The following RBFOX1 variants were observed in gnomAD, a reference collection of about 807,000 sequenced individuals.
RBFOX1 encodes the protein RNA binding protein fox-1 homolog 1.
A neutral mutation model predicts 57.7 loss-of-function variants in RBFOX1; 8 were observed. That is an observed-to-expected ratio of 0.14 (90% confidence interval 0.08 to 0.25). The LOEUF (loss-of-function observed/expected upper bound fraction) is 0.25, where lower values mean the gene tolerates loss of function less well. Ranked by LOEUF, RBFOX1 falls within the 10% of genes least tolerant of loss-of-function variation. The pLI is 1.00. For missense variants in RBFOX1, 611 were observed against 548.5 expected (o/e 1.11, Z -1.14); for synonymous variants, 326 against 222.4 (o/e 1.47, Z -4.15).
At chr16:6,616,016 G>C (rs1016103425) in intron 2 of RBFOX1, among the ~76,000 whole-genome samples, 1 of 152,146 alleles carries the variant, frequency 6.6e-6, no homozygotes. Flanking sequence ...TATAGACGCA[G>C]GGACACTGCC....
At chr16:6,878,737 A>G (rs186302787) in intron 3 of RBFOX1, among the ~76,000 whole-genome samples, 406 of 152,302 alleles carry the variant, frequency 2.7e-3, no homozygotes, top group African/African-American at 9.1e-3. Context: ...GAAACCTGAT[A>G]TATCCCATGA....
intron 3 of RBFOX1, among the ~76,000 whole-genome samples, chr16:7,038,788 G>T (rs1375812343): frequency 6.6e-6 from 1 of 152,156 alleles, no homozygotes; most frequent in Non-Finnish European, 1.5e-5. Flanking sequence ...GTCTGGACCT[G>T]GGGGACTTCT....
intron 2 of RBFOX1, among the ~76,000 whole-genome samples, chr16:5,492,514 C>T (rs913613142): frequency 3.3e-5 from 5 of 152,110 alleles, no homozygotes; most frequent in Non-Finnish European, 7.3e-5. Context: ...TGAGCTTAGA[C>T]CTGAAGATGA....
At chr16:6,862,328 A>G (rs950599956) in intron 3 of RBFOX1, among the ~76,000 whole-genome samples, 4 of 152,132 alleles carry the variant, frequency 2.6e-5, no homozygotes, top group African/African-American at 9.7e-5. Context: ...CTCACAGGCG[A>G]TGCTGATCGT....
Position 7,579,827 on chromosome 16 carries a change from T to G in RBFOX1, c.321T>G (p.Ser107=), listed in dbSNP as rs1160302930. 1.2e-6 allele frequency: 2 copies of G among 1,613,974 alleles called. No homozygotes were observed. Among genetic ancestry groups the G allele is most frequent in the East Asian group, 4.5e-5 (2 of 44,864 alleles). The part of the protein sequence containing the change: ...PTDGQPQTQP[S]ENTENKSQPK... ...ATGGCCAGCCCCAGACACAACCTTCTGAAAACACGGAAAACAAGTCTCAGC... is the reference window on the plus strand; with the variant it reads ...ATGGCCAGCCCCAGACACAACCTTCGGAAAACACGGAAAACAAGTCTCAGC... The change falls in exon 6 of 16, where the codon TCT becomes TCG. Residue 107 remains serine, a synonymous_variant. Transcript: ENST00000550418.
rs950146622 is a variant in RBFOX1, at chr16:6,881,093, C to G, written c.-15-170964C>G. ...ATCATGGCACTTTTACCCACTGAGT[C>G]TGAGCTGGTCTTACCATGCTTCTCA... On this transcript the variant is annotated intron_variant, in intron 3 of 15. Transcript: ENST00000550418. Among the ~76,000 whole-genome samples the G allele has an allele frequency of 2.0e-5, 3 of 152,184 alleles. No individual in the cohort carries two copies. The East Asian group carries it at 5.8e-4, about 29-fold the overall frequency.
At chr16:5,374,291 CT>C (rs1416957552) in intron 1 of RBFOX1, among the ~76,000 whole-genome samples, 7 of 152,172 alleles carry the variant, frequency 4.6e-5, no homozygotes, top group Admixed American at 2.0e-4. Flanking sequence ...AATAAAAGTG[CT>C]GTATGTGATA....
intron 2 of RBFOX1, among the ~76,000 whole-genome samples, chr16:6,492,161 G>A (rs1336549028): frequency 6.6e-6 from 1 of 152,182 alleles, no homozygotes; most frequent in South Asian, 2.1e-4. Flanking sequence ...CCTTGTATAT[G>A]TGAAAGTTTT....
Position 7,051,966 on chromosome 16 carries a change from C to T in RBFOX1, c.-15-91C>T, listed in dbSNP as rs553952278. ...TAATTAATTATGGGTTTTCTTTGAG[C>T]TGAGTAATTAAAAGTAACTTTCTGT... On this transcript the variant is annotated intron_variant, in intron 3 of 15. Coordinates refer to ENST00000550418, the MANE Select transcript of RBFOX1 (RefSeq NM_018723.4). 62 of 1,533,518 alleles carry T rather than the reference C, an allele frequency of 4.0e-5. No homozygotes were observed. The African/African-American group carries it at 7.0e-4, about 17-fold the overall frequency. The allele number at this position is 1,533,518 out of a possible 1,614,324, so 95.0% of individuals were successfully genotyped here.
intron 3 of RBFOX1, among the ~76,000 whole-genome samples, chr16:6,751,539 G>C (rs911873655): frequency 1.3e-5 from 2 of 152,096 alleles, no homozygotes; most frequent in African/African-American, 4.8e-5. Flanking sequence ...GTCACTAGTT[G>C]GATAAAGAAC....
In RBFOX1 at chr16:6,430,114, GA is replaced by G. The variant is rs201813646; in HGVS notation, c.-64+113069del. Among the ~76,000 whole-genome samples the G allele has an allele frequency of 6.1e-3, 824 of 135,208 alleles. 8 individuals carry two copies. Among genetic ancestry groups the G allele is most frequent in the African/African-American group, 0.019 (686 of 36,164 alleles). 88.7% of individuals were successfully genotyped at this position (135,208 alleles called of 152,430 possible). On this transcript the variant is annotated intron_variant, in intron 2 of 15. Transcript: ENST00000550418. ...CAAGAGCGAAACTCCATCTCAAGAA[GA>G]AAAAAAAAAAACAGAAAAACAAACA...
chr16:5,652,554 G>A (rs928422152), intron 3 of RBFOX1, among the ~76,000 whole-genome samples: 9 of 152,082 alleles, frequency 5.9e-5, no homozygotes, highest in African/African-American at 1.7e-4. Flanking sequence ...TTTGTGCTTC[G>A]CCAAGGCCAT....
rs559531108 is a variant in RBFOX1, at chr16:5,962,916, T to A, written c.351+95581T>A. ...ATATGATAGGGCTTATCTTTGGGACTCCAGACAGAGATCCAAGTTCAATAT... is the reference window on the plus strand; with the variant it reads ...ATATGATAGGGCTTATCTTTGGGACACCAGACAGAGATCCAAGTTCAATAT... On this transcript the variant is annotated intron_variant, in intron 4 of 19. Transcript: ENST00000641259. Among the ~76,000 whole-genome samples the A allele has an allele frequency of 4.0e-5, 6 of 151,188 alleles. 1 individual carries two copies. In the East Asian group the frequency reaches 1.2e-3, roughly 30 times the overall value.
chr16:7,391,427 C>T (rs2098018610), intron 4 of RBFOX1, among the ~76,000 whole-genome samples: 1 of 152,170 alleles, frequency 6.6e-6, no homozygotes, highest in African/African-American at 2.4e-5. Context: ...TTTCTCACCG[C>T]AAGAGCTCTG....
chr16:6,670,422 G>A (rs573863386), intron 3 of RBFOX1, among the ~76,000 whole-genome samples: 32 of 152,082 alleles, frequency 2.1e-4, no homozygotes, highest in African/African-American at 7.2e-4. Flanking sequence ...CATGTTGATT[G>A]AATTCACCAA....
At chr16:5,906,699 C>T (rs2058465126) in intron 4 of RBFOX1, among the ~76,000 whole-genome samples, 1 of 149,286 alleles carries the variant, frequency 6.7e-6, no homozygotes, top group Admixed American at 6.7e-5. Flanking sequence ...ACACTCCCAG[C>T]AGCCGCTGAA....
intron 4 of RBFOX1, among the ~76,000 whole-genome samples, chr16:7,370,626 C>T (rs928877073): frequency 1.6e-4 from 25 of 152,324 alleles, no homozygotes; most frequent in Admixed American, 4.6e-4. Flanking sequence ...ACCATTCTCT[C>T]ATTAGCACAT....
chr16:7,281,101 C>G (rs1288780595), intron 4 of RBFOX1, among the ~76,000 whole-genome samples: 5 of 151,650 alleles, frequency 3.3e-5, no homozygotes, highest in African/African-American at 9.7e-5. Flanking sequence ...CTCCTGGGTT[C>G]AAGCAACTCT....
At chr16:6,894,776 A>C (rs533402223) in intron 3 of RBFOX1, among the ~76,000 whole-genome samples, 61 of 152,306 alleles carry the variant, frequency 4.0e-4, no homozygotes, top group South Asian at 3.5e-3. Context: ...TTATCTTAAA[A>C]AGCCATTTTC....
Sources: allele counts gnomAD v4.1 joint callset (sites outside exome capture counted in the v4.1 genomes callset), GRCh38; gene constraint gnomAD v4.1.1; transcripts MANE v1.5; gene names NCBI Gene and HGNC (gene_info 2026-07-23, HGNC 2026-07-21).